The following KIAA1328 variants were observed in gnomAD, a reference collection of about 807,000 sequenced individuals.
KIAA1328 encodes the protein KIAA1328.
Under a neutral mutation model 68.1 loss-of-function variants are expected in KIAA1328, and 52 were observed. That is an observed-to-expected ratio of 0.76 (90% CI 0.61 to 0.96). The LOEUF (loss-of-function observed/expected upper bound fraction) is 0.96. KIAA1328 is among the 40% of genes least tolerant of loss of function. The pLI is 0.00. For synonymous variants in KIAA1328, 232 were observed against 239.4 expected (o/e 0.97, Z 0.28); for missense variants, 641 against 677.6 (o/e 0.95, Z 0.60).
chr18:37,056,803 A>AC (rs2055927629), intron 6 of KIAA1328, among the ~76,000 whole-genome samples: 1 of 152,048 alleles, frequency 6.6e-6, no homozygotes, highest in Non-Finnish European at 1.5e-5. Context: ...GGAGTGCACC[A>AC]CCATGCCTGG....
intron 7 of KIAA1328, among the ~76,000 whole-genome samples, chr18:37,081,617 G>A (rs1705541117): frequency 6.6e-6 from 1 of 152,120 alleles, no homozygotes; most frequent in African/African-American, 2.4e-5. Context: ...TTTGTATTAG[G>A]TTATGTTTAT....
chr18:37,099,069 A>G (rs1310062095), intron 7 of KIAA1328, among the ~76,000 whole-genome samples: 3 of 151,650 alleles, frequency 2.0e-5, no homozygotes, highest in Admixed American at 6.6e-5. Flanking sequence ...TTGTGTCTCT[A>G]TTTCCTTCAA....
chr18:37,095,275 T>C (rs982400275), intron 7 of KIAA1328, among the ~76,000 whole-genome samples: 1 of 152,186 alleles, frequency 6.6e-6, no homozygotes, highest in Non-Finnish European at 1.5e-5. Flanking sequence ...AACTACAGAA[T>C]ATGCATTCTT....
At chr18:36,938,982 T>G (rs1001503740) in intron 5 of KIAA1328, among the ~76,000 whole-genome samples, 11 of 152,232 alleles carry the variant, frequency 7.2e-5, no homozygotes, top group African/African-American at 2.7e-4. Flanking sequence ...CGTGCTGTTT[T>G]GATTACTCTT....
intron 9 of KIAA1328, among the ~76,000 whole-genome samples, chr18:37,213,068 T>C (rs2060348893): frequency 6.6e-6 from 1 of 152,240 alleles, no homozygotes; most frequent in South Asian, 2.1e-4. Flanking sequence ...CATCAGAATT[T>C]ACACTTTTAA....
intron 5 of KIAA1328, among the ~76,000 whole-genome samples, chr18:36,948,694 C>T (rs1049736561): frequency 1.3e-5 from 2 of 152,086 alleles, no homozygotes; most frequent in Non-Finnish European, 2.9e-5. Flanking sequence ...AGATTACAGG[C>T]ATGCGCCACC....
chr18:36,913,000 A>G (rs1171945552), intron 5 of KIAA1328, among the ~76,000 whole-genome samples: 1 of 152,148 alleles, frequency 6.6e-6, no homozygotes, highest in Admixed American at 6.6e-5. Context: ...ATCCTCTGTG[A>G]TTTGAGGGTC....
intron 4 of KIAA1328, among the ~76,000 whole-genome samples, chr18:36,878,496 G>T (rs993224367): frequency 6.6e-6 from 1 of 152,018 alleles, no homozygotes; most frequent in African/African-American, 2.4e-5. Flanking sequence ...GTGTCTTGGG[G>T]TTACTCTTCT....
intron 6 of KIAA1328, among the ~76,000 whole-genome samples, chr18:37,009,902 C>G (rs2053913056): frequency 6.6e-6 from 1 of 152,074 alleles, no homozygotes; most frequent in South Asian, 2.1e-4. Context: ...GTTTCTCTTC[C>G]CATACATAGT....
chr18:37,042,758 C>T (rs764111859), intron 6 of KIAA1328, among the ~76,000 whole-genome samples: 4 of 152,122 alleles, frequency 2.6e-5, no homozygotes, highest in East Asian at 1.9e-4. Context: ...TGAGCTTCTT[C>T]GATGTGCCGA....
At chr18:36,952,193 A>C (rs112152364) in intron 5 of KIAA1328, among the ~76,000 whole-genome samples, 71 of 152,230 alleles carry the variant, frequency 4.7e-4, no homozygotes, top group African/African-American at 1.7e-3. Flanking sequence ...TGCACAGCCT[A>C]CCTACCTGGT....
chr18:36,966,697 C>G (rs2051952467), intron 6 of KIAA1328, among the ~76,000 whole-genome samples: 2 of 152,072 alleles, frequency 1.3e-5, no homozygotes, highest in South Asian at 4.1e-4. Context: ...TACCAATGAA[C>G]AATTAAAATA....
intron 4 of KIAA1328, among the ~76,000 whole-genome samples, chr18:36,844,669 T>C (rs745553881): frequency 5.9e-5 from 9 of 151,814 alleles, no homozygotes; most frequent in Non-Finnish European, 8.8e-5. Flanking sequence ...GAAGAAAAAA[T>C]ATTTCACTCA....
At chr18:37,135,942 T>C (rs1005620787) in intron 7 of KIAA1328, among the ~76,000 whole-genome samples, 1 of 152,220 alleles carries the variant, frequency 6.6e-6, no homozygotes, top group African/African-American at 2.4e-5. Context: ...TTGTTGATTT[T>C]CTTGAAGATC....
intron 7 of KIAA1328, among the ~76,000 whole-genome samples, chr18:37,084,747 T>C (rs558451446): frequency 3.0e-4 from 45 of 152,338 alleles, no homozygotes; most frequent in African/African-American, 9.9e-4. Flanking sequence ...TAAGTTTATC[T>C]CTACCTATTT....
At chr18:36,895,088 C>T in intron 5 of KIAA1328, among the ~76,000 whole-genome samples, 1 of 152,116 alleles carries the variant, frequency 6.6e-6, no homozygotes, top group East Asian at 1.9e-4. Context: ...TTTTTAAAGT[C>T]ATCTTCCCCA....
intron 4 of KIAA1328, among the ~76,000 whole-genome samples, chr18:36,862,934 T>C (rs974585670): frequency 1.3e-5 from 2 of 152,216 alleles, no homozygotes; most frequent in African/African-American, 4.8e-5. Flanking sequence ...TTGTTTCATG[T>C]GCTTATTATT....
At chr18:37,170,677 A>G (rs1276321468) in intron 8 of KIAA1328, among the ~76,000 whole-genome samples, 1 of 152,174 alleles carries the variant, frequency 6.6e-6, no homozygotes, top group Admixed American at 6.5e-5. Context: ...TTTTCATAGT[A>G]CTTATTACAG....
chr18:37,051,317 T>C (rs1434021031), intron 6 of KIAA1328, among the ~76,000 whole-genome samples: 1 of 150,732 alleles, frequency 6.6e-6, no homozygotes, highest in East Asian at 1.9e-4. Context: ...GCTAGATTAA[T>C]AAGGAAAAAA....
Sources: gnomAD v4.1 joint callset for allele counts (sites outside exome capture counted in the v4.1 genomes callset) on GRCh38, gnomAD v4.1.1 for gene constraint, MANE v1.5 for transcripts, NCBI Gene and HGNC (gene_info 2026-07-23, HGNC 2026-07-21) for gene names.